EHBP1L1: variants seen among roughly 807,000 people sequenced by gnomAD.
EHBP1L1 encodes EH domain binding protein 1 like 1.
In EHBP1L1, 122 loss-of-function variants were observed where a neutral mutation model predicts 151.1. The observed-to-expected ratio is 0.81, with a 90% CI of 0.70 to 0.94. The LOEUF (loss-of-function observed/expected upper bound fraction) is 0.94. EHBP1L1 is among the 40% of genes least tolerant of loss of function. EHBP1L1 has a pLI of 0.00. For synonymous variants in EHBP1L1, 878 were observed against 810.1 expected (o/e 1.08, Z -1.42); for missense variants, 1,941 against 1,959.8 (o/e 0.99, Z 0.18).
intron 16 of EHBP1L1, chr11:65,591,544 C>G (rs1412410159): frequency 1.7e-6 from 1 of 584,850 alleles, no homozygotes; most frequent in African/African-American, 1.9e-5. Flanking sequence ...TACTGTTCAT[C>G]CAAATAATCC....
Sources: allele counts gnomAD v4.1 joint callset, GRCh38; gene constraint gnomAD v4.1.1; transcripts MANE v1.5; gene names NCBI Gene and HGNC (gene_info 2026-07-23, HGNC 2026-07-21).